The following N4BP2 variants were observed in gnomAD, a reference collection of about 807,000 sequenced individuals.
The protein encoded by N4BP2 is NEDD4 binding protein 2, also known as NEDD4-binding protein 2.
Under a neutral mutation model 152.8 loss-of-function variants are expected in N4BP2, and 91 were observed. The ratio of observed to expected loss-of-function variants is 0.60; its 90% confidence interval spans 0.50 to 0.71. The LOEUF is 0.71. Among genes scored for constraint, N4BP2 ranks in the 30% least tolerant of loss-of-function variants. The pLI, the probability that N4BP2 is intolerant of heterozygous loss-of-function variation, is 0.00. For missense variants in N4BP2, 1,923 were observed against 2,059.1 expected (o/e 0.93, Z 1.28); for synonymous variants, 646 against 705.3 (o/e 0.92, Z 1.33).
At chr4:40,104,784 T>C (rs1716078588) in intron 4 of N4BP2, among the ~76,000 whole-genome samples, 1 of 151,826 alleles carries the variant, frequency 6.6e-6, no homozygotes, top group Non-Finnish European at 1.5e-5. Flanking sequence ...AGGAAGAGTG[T>C]TGAGACATAG....
downstream of N4BP2, among the ~76,000 whole-genome samples, chr4:40,160,759 G>C (rs1721836146): frequency 6.6e-6 from 1 of 152,142 alleles, no homozygotes; most frequent in African/African-American, 2.4e-5. Context: ...TAAAAACACT[G>C]CATAGTTGAT....
intron 6 of N4BP2, 35 bp from the exon 7 acceptor site, chr4:40,113,397 C>A: frequency 7.3e-7 from 1 of 1,373,102 alleles, no homozygotes; most frequent in Non-Finnish European, 1.0e-6. Flanking sequence ...TTGGAAATAC[C>A]TATTTTAAAA....
Position 40,121,945 on chromosome 4 carries a change from AC to A in N4BP2, c.3835del (p.His1279IlefsTer21). 6.4e-7 allele frequency: 1 copy of A among 1,573,096 alleles called. No homozygotes were observed. Among genetic ancestry groups the A allele is most frequent in the Non-Finnish European group, 8.6e-7 (1 of 1,163,138 alleles). ...TAGTCACAGAGACTGGAGACAACAT[AC>A]ATTCTCCTTCACATTTCTCTGATAT... ...LVVTETGDNIHSPSHFSDIFN... is the reference protein window; with the variant it reads ...LVVTETGDNIXSPSHFSDIFN... On this transcript the variant is annotated frameshift_variant, in exon 9 of 18. Coordinates refer to ENST00000261435, the MANE Select transcript of N4BP2 (RefSeq NM_018177.6). LOFTEE classifies it high-confidence loss of function.
chr4:40,118,800 C>T (rs17619330), intron 8 of N4BP2, among the ~76,000 whole-genome samples: 40,834 of 152,114 alleles, frequency 0.27, 6,071 homozygotes, highest in South Asian at 0.47. Context: ...GGCCTTCTGA[C>T]AATTTGCAAT....
chr4:40,148,136 G>A (rs532253098), intron 16 of N4BP2, among the ~76,000 whole-genome samples: 9 of 152,288 alleles, frequency 5.9e-5, no homozygotes, highest in South Asian at 2.1e-4. Context: ...CCGAGATCAC[G>A]CCACTGCATT....
intron 1 of N4BP2, among the ~76,000 whole-genome samples, chr4:40,057,716 G>C (rs753308407): frequency 5.3e-5 from 8 of 152,094 alleles, no homozygotes; most frequent in Non-Finnish European, 1.0e-4. Flanking sequence ...ATCCTCAATA[G>C]AGTGAGTCAT....
chr4:40,146,164 A>AAAATAAATAAATAAAT (rs554299570), intron 16 of N4BP2, among the ~76,000 whole-genome samples: 1 of 151,760 alleles, frequency 6.6e-6, no homozygotes, highest in African/African-American at 2.4e-5. Flanking sequence ...CTCTTTCTCA[A>AAAATAAATAAATAAAT]AAATAAATAA....
At chr4:40,169,449 T>G in the N4BP2 span, among the ~76,000 whole-genome samples, 1 of 151,432 alleles carries the variant, frequency 6.6e-6, no homozygotes, top group South Asian at 2.1e-4. Flanking sequence ...AGAAGTAAAT[T>G]AATGAAATTA....
At chr4:40,082,752 GT>G (rs1430157408) in intron 2 of N4BP2, among the ~76,000 whole-genome samples, 1 of 151,586 alleles carries the variant, frequency 6.6e-6, no homozygotes, top group Non-Finnish European at 1.5e-5. Flanking sequence ...CCAGGCTGGA[GT>G]GCAGTGGCTC....
chr4:40,121,302 A>G lies in N4BP2; in HGVS notation c.3191A>G (p.Glu1064Gly). The G allele has an allele frequency of 6.2e-7, 1 of 1,613,970 alleles. No individual in the cohort carries two copies. Among genetic ancestry groups the G allele is most frequent in the Non-Finnish European group, 8.5e-7 (1 of 1,179,982 alleles). ...ATTAACACAAAATCAGACGTTCAAGAAGCAATTCCATATAGAGTAATGTAT... is the reference window on the plus strand; with the variant it reads ...ATTAACACAAAATCAGACGTTCAAGGAGCAATTCCATATAGAGTAATGTAT... ...FNINTKSDVQ[E>G]AIPYRVMYDK... Residue 1064 changes from glutamate to glycine, a missense_variant, in exon 9 of 18, where the codon GAA (glutamate) becomes GGA (glycine). Physicochemically the swap from Glu to Gly is moderately conservative, Grantham distance 98. Coordinates refer to ENST00000261435, the MANE Select transcript of N4BP2 (RefSeq NM_018177.6).
Position 40,088,913 on chromosome 4 carries a change from G to A in N4BP2, c.-114-8314G>A, listed in dbSNP as rs536008452. ...CGTGTAGTGTTTTTTCTCCTTTTTT[G>A]CTGATTTTCCAATTGTTTGGTTTTT... On this transcript the variant is annotated intron_variant, in intron 2 of 17. Transcript: ENST00000261435. Among the ~76,000 whole-genome samples, 25 of 151,914 alleles carry A rather than the reference G, an allele frequency of 1.6e-4. No homozygotes were observed. In the East Asian group the frequency reaches 3.1e-3, roughly 19 times the overall value.
At chr4:40,170,024 G>T in the N4BP2 span, among the ~76,000 whole-genome samples, 1 of 144,588 alleles carries the variant, frequency 6.9e-6, no homozygotes, top group Non-Finnish European at 1.5e-5. Flanking sequence ...ATTAAGAAAA[G>T]ACTCATATTA....
intron 1 of N4BP2, among the ~76,000 whole-genome samples, chr4:40,069,521 A>G (rs1711938385): frequency 6.6e-6 from 1 of 152,154 alleles, no homozygotes; most frequent in Non-Finnish European, 1.5e-5. Context: ...GATAACCTAT[A>G]CATAACCTTT....
the N4BP2 span, among the ~76,000 whole-genome samples, chr4:40,188,137 A>G: frequency 2.0e-5 from 3 of 152,242 alleles, no homozygotes; most frequent in Admixed American, 1.3e-4. Flanking sequence ...GCCATTTGGA[A>G]TTCAGGATCA....
chr4:40,152,971 A>G, intron 17 of N4BP2, 68 bp downstream of exon 17: 1 of 1,522,008 alleles, frequency 6.6e-7, no homozygotes, highest in Admixed American at 1.8e-5. Flanking sequence ...TATTTCTGTG[A>G]GTATAGATTT....
At chr4:40,150,247 C>T (rs1308643550) in intron 16 of N4BP2, among the ~76,000 whole-genome samples, 5 of 152,320 alleles carry the variant, frequency 3.3e-5, no homozygotes, top group Non-Finnish European at 7.4e-5. Context: ...TCATTTTTGC[C>T]TCCAAATCAA....
At chr4:40,117,552 A>G (rs1717457241) in intron 7 of N4BP2, among the ~76,000 whole-genome samples, 1 of 152,252 alleles carries the variant, frequency 6.6e-6, no homozygotes, top group Non-Finnish European at 1.5e-5. Context: ...AGTTCAACCA[A>G]ATATGAGCTT....
At chr4:40,131,466 A>G (rs1718896235) in intron 12 of N4BP2, among the ~76,000 whole-genome samples, 1 of 152,046 alleles carries the variant, frequency 6.6e-6, no homozygotes, top group Non-Finnish European at 1.5e-5. Context: ...ATGCCTCTAT[A>G]TCTTCATCCT....
rs756139528 is a variant in N4BP2 at position 40,136,977 on chromosome 4, C to T, written c.4680C>T (p.Asn1560=). ...TAGAACACACAGTGCAATTTCTTAA[C>T]TGTGTTCTTGAAGGGGACCCTGTAA... is the stretch of plus-strand genomic sequence containing the variant. ...YSLEHTVQFL[N]CVLEGDPVKT... Residue 1560 remains asparagine, a synonymous_variant, in exon 14 of 18, where the codon AAC becomes AAT. Transcript: ENST00000261435. The T allele has an allele frequency of 1.2e-6, 2 of 1,612,996 alleles. No individual in the cohort carries two copies. Among genetic ancestry groups the T allele is most frequent in the Non-Finnish European group, 1.7e-6 (2 of 1,179,376 alleles).
Sources: gnomAD v4.1 joint callset for allele counts (sites outside exome capture counted in the v4.1 genomes callset) on GRCh38, gnomAD v4.1.1 for gene constraint, MANE v1.5 for transcripts, NCBI Gene and HGNC (gene_info 2026-07-23, HGNC 2026-07-21) for gene names.